CCSER1: variants seen among roughly 807,000 people sequenced by gnomAD.
The protein encoded by CCSER1 is coiled-coil serine rich protein 1, also known as serine-rich coiled-coil domain-containing protein 1.
CCSER1 carries 41 observed loss-of-function variants against 82.0 expected under a neutral mutation model. The observed-to-expected ratio is 0.50, with a 90% CI of 0.39 to 0.65. The LOEUF is 0.65. Ranked by LOEUF, CCSER1 falls within the 30% of genes least tolerant of loss-of-function variation. CCSER1 has a pLI of 0.00. For missense variants in CCSER1, 1,119 were observed against 1,064.2 expected (o/e 1.05, Z -0.72); for synonymous variants, 414 against 383.9 (o/e 1.08, Z -0.92).
intron 7 of CCSER1, among the ~76,000 whole-genome samples, chr4:90,795,670 T>A (rs146916109): frequency 6.6e-6 from 1 of 152,322 alleles, no homozygotes; most frequent in African/African-American, 2.4e-5. Flanking sequence ...GTATGTTCCT[T>A]CAATACCTAG....
intron 7 of CCSER1, among the ~76,000 whole-genome samples, chr4:90,804,241 C>CT (rs896617586): frequency 2.0e-5 from 3 of 151,940 alleles, no homozygotes; most frequent in Non-Finnish European, 4.4e-5. Flanking sequence ...TCAGTTTTGG[C>CT]TTTTTTTGCT....
Position 91,496,680 on chromosome 4 carries a change from T to C in CCSER1, c.2218-101892T>C. On this transcript the variant is annotated intron_variant, in intron 10 of 10. Transcript: ENST00000509176. ...TGAATATATATATATTCAATATATT[T>C]GAATATATATATATTCAATATATAT... 1.2e-4 allele frequency among the ~76,000 whole-genome samples: 3 copies of C among 25,070 alleles called. 1 individual carries two copies. The highest frequency in any genetic ancestry group is 2.8e-4 in the African/African-American group (3 of 10,880). The allele number at this position is 25,070 out of a possible 152,430, so 16.4% of individuals were successfully genotyped here. A position where few individuals can be genotyped will look rare whatever the true frequency, so the allele number is the denominator to read the frequency against.
chr4:91,080,915 A>G (rs563499951), intron 9 of CCSER1, among the ~76,000 whole-genome samples: 8 of 152,334 alleles, frequency 5.3e-5, no homozygotes, highest in African/African-American at 1.9e-4. Context: ...GTAATAATTA[A>G]TAGCCTACCA....
At chr4:90,691,860 A>G (rs1298212590) in intron 6 of CCSER1, among the ~76,000 whole-genome samples, 1 of 151,510 alleles carries the variant, frequency 6.6e-6, no homozygotes, top group Non-Finnish European at 1.5e-5. Context: ...TCTACCTTCC[A>G]CCCTCACATA....
chr4:90,140,774 C>T (rs1029265566), intron 1 of CCSER1, among the ~76,000 whole-genome samples: 8 of 147,204 alleles, frequency 5.4e-5, no homozygotes, highest in African/African-American at 2.0e-4. Context: ...AAGGGATTCT[C>T]CTGCCTCTGC....
chr4:90,529,816 C>T (rs1030284278), intron 5 of CCSER1, among the ~76,000 whole-genome samples: 23 of 152,004 alleles, frequency 1.5e-4, no homozygotes, highest in African/African-American at 5.6e-4. Context: ...CAAACTACTA[C>T]ATGAGGGCCC....
chr4:91,560,543 T>G (rs1251552745), intron 10 of CCSER1, among the ~76,000 whole-genome samples: 1 of 151,494 alleles, frequency 6.6e-6, no homozygotes, highest in African/African-American at 2.4e-5. Context: ...AACTATATAT[T>G]TTAAAAATTC....
At chr4:90,895,212 T>C (rs1723531221) in intron 8 of CCSER1, among the ~76,000 whole-genome samples, 1 of 151,848 alleles carries the variant, frequency 6.6e-6, no homozygotes, top group African/African-American at 2.4e-5. Flanking sequence ...CCAAAAACCA[T>C]ATGGCACATA....
At chr4:91,041,268 T>G (rs186292073) in intron 9 of CCSER1, among the ~76,000 whole-genome samples, 1 of 152,310 alleles carries the variant, frequency 6.6e-6, no homozygotes, top group East Asian at 1.9e-4. Context: ...CATTTGAATT[T>G]TATTTAAAGA....
chr4:91,154,375 G>A (rs902190969), intron 10 of CCSER1, among the ~76,000 whole-genome samples: 1 of 152,078 alleles, frequency 6.6e-6, no homozygotes, highest in Non-Finnish European at 1.5e-5. Flanking sequence ...CAGTATTACT[G>A]TGGGAGTGAC....
At chr4:90,909,506 T>C (rs971315162) in intron 8 of CCSER1, among the ~76,000 whole-genome samples, 1 of 152,158 alleles carries the variant, frequency 6.6e-6, no homozygotes, top group Non-Finnish European at 1.5e-5. Flanking sequence ...ATTTTAGAGA[T>C]GTAATTAACT....
At chr4:91,132,379 A>C (rs571676514) in intron 10 of CCSER1, among the ~76,000 whole-genome samples, 1 of 152,326 alleles carries the variant, frequency 6.6e-6, no homozygotes, top group East Asian at 1.9e-4. Context: ...ACATGAAAAA[A>C]TGCAGCACTG....
At chr4:90,329,676 T>A (rs1738917126) in intron 3 of CCSER1, among the ~76,000 whole-genome samples, 1 of 152,110 alleles carries the variant, frequency 6.6e-6, no homozygotes, top group South Asian at 2.1e-4. Flanking sequence ...CGATTTATAA[T>A]CACTTAGAAA....
At chr4:90,919,864 A>ATGC (rs1473942004) in intron 8 of CCSER1, among the ~76,000 whole-genome samples, 4 of 151,972 alleles carry the variant, frequency 2.6e-5, no homozygotes, top group Admixed American at 1.3e-4. Flanking sequence ...TTTACATAAT[A>ATGC]TGCTAGCCTT....
At chr4:90,991,187 A>G (rs538079692) in intron 9 of CCSER1, among the ~76,000 whole-genome samples, 8 of 150,848 alleles carry the variant, frequency 5.3e-5, no homozygotes, top group Admixed American at 4.6e-4. Context: ...CATCTTCTCT[A>G]TTTCTTTGGG....
chr4:90,591,752 C>T (rs546741964), intron 5 of CCSER1, among the ~76,000 whole-genome samples: 6 of 152,280 alleles, frequency 3.9e-5, no homozygotes, highest in Non-Finnish European at 8.8e-5. Flanking sequence ...TATTGGAACA[C>T]TATTAACAAT....
intron 10 of CCSER1, among the ~76,000 whole-genome samples, chr4:91,173,646 A>G (rs1259250883): frequency 6.7e-6 from 1 of 150,158 alleles, no homozygotes; most frequent in Non-Finnish European, 1.5e-5. Context: ...AGAGGCATTC[A>G]GAGATTTTGC....
At chr4:91,346,923 C>T (rs987412555) in intron 10 of CCSER1, among the ~76,000 whole-genome samples, 14 of 152,030 alleles carry the variant, frequency 9.2e-5, no homozygotes, top group African/African-American at 3.4e-4. Flanking sequence ...TTTTCCTAGT[C>T]TATAGTTTCT....
chr4:91,543,266 C>G (rs1455291746), intron 10 of CCSER1, among the ~76,000 whole-genome samples: 1 of 152,166 alleles, frequency 6.6e-6, no homozygotes, highest in Non-Finnish European at 1.5e-5. Context: ...ATTTTCCAGT[C>G]TGTGTCTTTT....
Sources: allele counts gnomAD v4.1 joint callset (sites outside exome capture counted in the v4.1 genomes callset), GRCh38; gene constraint gnomAD v4.1.1; transcripts MANE v1.5; gene names NCBI Gene and HGNC (gene_info 2026-07-23, HGNC 2026-07-21).